The following SLC36A1 variants were observed in gnomAD, a reference collection of about 807,000 sequenced individuals.
SLC36A1 encodes solute carrier family 36 member 1, also known as proton-coupled amino acid transporter 1.
A neutral mutation model predicts 47.5 loss-of-function variants in SLC36A1; 30 were observed. The observed-to-expected ratio is 0.63, with a 90% CI of 0.47 to 0.86. The LOEUF (loss-of-function observed/expected upper bound fraction) is 0.86, where lower values mean the gene tolerates loss of function less well. Among genes scored for constraint, SLC36A1 ranks in the 40% least tolerant of loss-of-function variants. The pLI is 0.00. For missense variants in SLC36A1, 517 were observed against 606.0 expected, an observed-to-expected ratio of 0.85 and a Z score of 1.54; for synonymous variants, 255 against 249.7, an observed-to-expected ratio of 1.02 and a Z score of -0.20.
the SLC36A1 span, chr5:151,553,304 G>A: frequency 1.2e-6 from 2 of 1,614,280 alleles, no homozygotes; most frequent in Non-Finnish European, 1.7e-6. Context: ...GAGGGATGGA[G>A]GACGGCCGGG....
chr5:151,521,197 C>G, the SLC36A1 span: 1 of 1,429,480 alleles, frequency 7.0e-7, no homozygotes, highest in Non-Finnish European at 9.4e-7. Flanking sequence ...CACAGAGCCT[C>G]AGTGGAATCT....
intron 10 of SLC36A1, chr5:151,480,121 A>G: frequency 6.8e-7 from 1 of 1,468,678 alleles, no homozygotes. Context: ...GACATTTAGA[A>G]AATAAAAGTA....
intron 5 of SLC36A1, 49 bp downstream of exon 5, chr5:151,465,218 C>CACAG: frequency 1.4e-6 from 2 of 1,422,768 alleles, no homozygotes; most frequent in Non-Finnish European, 2.0e-6. Flanking sequence ...AGTGTGAGGC[C>CACAG]TTCAGATGGG....
chr5:151,524,047 C>T, the SLC36A1 span, among the ~76,000 whole-genome samples: 4 of 152,122 alleles, frequency 2.6e-5, no homozygotes, highest in Non-Finnish European at 5.9e-5. Context: ...TCCATCACTC[C>T]GTGGTCTCAG....
chr5:151,516,061 A>G, the SLC36A1 span, among the ~76,000 whole-genome samples: 1 of 152,186 alleles, frequency 6.6e-6, no homozygotes, highest in Admixed American at 6.5e-5. Context: ...CATGCTAAGC[A>G]TTCTCCTGCC....
chr5:151,430,345 T>TTTTTTTTTTG, the SLC36A1 span, among the ~76,000 whole-genome samples: 1 of 149,252 alleles, frequency 6.7e-6, no homozygotes, highest in Admixed American at 6.6e-5. Context: ...TTTTTTTTTT[T>TTTTTTTTTTG]TGAGACTGAG....
intron 1 of SLC36A1, among the ~76,000 whole-genome samples, chr5:151,449,690 G>GT (rs1454996482): frequency 6.6e-6 from 1 of 152,220 alleles, no homozygotes; most frequent in African/African-American, 2.4e-5. Flanking sequence ...AGGGTGTTTG[G>GT]TAAGTGTTAA....
the SLC36A1 span, among the ~76,000 whole-genome samples, chr5:151,379,396 C>T: frequency 2.6e-5 from 4 of 152,342 alleles, no homozygotes; most frequent in Middle Eastern, 3.4e-3. Flanking sequence ...TGCAATGGCA[C>T]GATCTTGGCT....
intron 7 of SLC36A1, 93 bp from the exon 8 acceptor site, chr5:151,473,580 A>C: frequency 2.6e-6 from 2 of 769,500 alleles, no homozygotes; most frequent in Non-Finnish European, 4.4e-6. Flanking sequence ...TGGATTTGTT[A>C]AAAGGTATGA....
chr5:151,370,526 C>T, the SLC36A1 span, among the ~76,000 whole-genome samples: 2 of 152,246 alleles, frequency 1.3e-5, no homozygotes, highest in African/African-American at 2.4e-5. Context: ...CTTGAAGAAA[C>T]CTTCCCACAT....
At chr5:151,550,622 A>G in the SLC36A1 span, 1 of 1,614,112 alleles carries the variant, frequency 6.2e-7, no homozygotes, top group Admixed American at 1.7e-5. Flanking sequence ...GAGGGCCCCG[A>G]GCCGAGGTCC....
the SLC36A1 span, among the ~76,000 whole-genome samples, chr5:151,527,618 G>C: frequency 6.6e-6 from 1 of 152,094 alleles, no homozygotes; most frequent in African/African-American, 2.4e-5. Context: ...TTTATGTGAG[G>C]ATAATGTCAG....
chr5:151,425,485 A>G, the SLC36A1 span: 2 of 152,318 alleles, frequency 1.3e-5, no homozygotes, highest in Admixed American at 1.3e-4. Flanking sequence ...GAGCTGGCAG[A>G]CAGGCTTCTT....
At chr5:151,534,613 G>A in the SLC36A1 span, 5 of 1,612,728 alleles carry the variant, frequency 3.1e-6, no homozygotes, top group African/African-American at 1.3e-5. Context: ...TTCCTTTCTC[G>A]GTCTAGGGCA....
At chr5:151,382,374 G>T in the SLC36A1 span, 1 of 723,956 alleles carries the variant, frequency 1.4e-6, no homozygotes, top group South Asian at 1.7e-5. Flanking sequence ...AAATATCAAA[G>T]ATGCCTTTTG....
At chr5:151,485,492 A>G (rs1759391734) in intron 10 of SLC36A1, among the ~76,000 whole-genome samples, 1 of 152,066 alleles carries the variant, frequency 6.6e-6, no homozygotes, top group Non-Finnish European at 1.5e-5. Context: ...TAGCCTGGGT[A>G]TCTACCTCTC....
chr5:151,464,632 G>T, intron 4 of SLC36A1, 30 bp downstream of exon 4: 1 of 1,595,002 alleles, frequency 6.3e-7, no homozygotes, highest in Non-Finnish European at 8.6e-7. Context: ...CCTCTCAAGT[G>T]ACAGATTGTC....
chr5:151,383,730 G>A, the SLC36A1 span, among the ~76,000 whole-genome samples: 1 of 151,822 alleles, frequency 6.6e-6, no homozygotes, highest in Admixed American at 6.6e-5. Flanking sequence ...CTGGCATCAC[G>A]CCTGGCTAAT....
the SLC36A1 span, among the ~76,000 whole-genome samples, chr5:151,422,761 T>A: frequency 2.0e-5 from 3 of 151,892 alleles, no homozygotes; most frequent in Non-Finnish European, 2.9e-5. Flanking sequence ...GCCAACATAG[T>A]GAAGCCCCGT....
Sources: gnomAD v4.1 joint callset for allele counts (sites outside exome capture counted in the v4.1 genomes callset) on GRCh38, gnomAD v4.1.1 for gene constraint, MANE v1.5 for transcripts, NCBI Gene and HGNC (gene_info 2026-07-23, HGNC 2026-07-21) for gene names.